The following SORCS1 variants were observed in gnomAD, a reference collection of about 807,000 sequenced individuals.
SORCS1 encodes the protein VPS10 domain-containing receptor SorCS1.
SORCS1 carries 60 observed loss-of-function variants against 146.1 expected under a neutral mutation model. The ratio of observed to expected loss-of-function variants is 0.41; its 90% confidence interval spans 0.33 to 0.51. The LOEUF (loss-of-function observed/expected upper bound fraction) is 0.51, where lower values mean the gene tolerates loss of function less well. Among genes scored for constraint, SORCS1 ranks in the 20% least tolerant of loss-of-function variants. SORCS1 has a pLI of 0.21. For synonymous variants in SORCS1, 637 were observed against 584.0 expected, an observed-to-expected ratio of 1.09 and a Z score of -1.31; for missense variants, 1,352 against 1,487.6, an observed-to-expected ratio of 0.91 and a Z score of 1.50.
rs533350433 is a variant in SORCS1, at chr10:107,035,269, A to C, written c.559-78689T>G. Among the ~76,000 whole-genome samples, 713 of 144,764 alleles carry C rather than the reference A, an allele frequency of 4.9e-3. 11 individuals carry two copies. The highest frequency in any genetic ancestry group is 0.017 in the African/African-American group (656 of 37,880). The allele number at this position is 144,764 out of a possible 152,430, so 95.0% of individuals were successfully genotyped here. A position where few individuals can be genotyped will look rare whatever the true frequency, so the allele number is the denominator to read the frequency against. ...TTTGGTCCAGTGAAGCTTCAAAAAA[A>C]AAAAAACAACAAAAAAAAAAACACA... On this transcript the variant is annotated intron_variant, in intron 1 of 25. Transcript: ENST00000263054.
intron 1 of SORCS1, among the ~76,000 whole-genome samples, chr10:107,159,325 G>A (rs1052707337): frequency 2.0e-5 from 3 of 152,150 alleles, no homozygotes; most frequent in African/African-American, 4.8e-5. Context: ...TATGAACAAA[G>A]TATTAAATTA....
chr10:106,708,245 G>GGT lies in SORCS1; in HGVS notation c.1143+976_1143+977dup, dbSNP rs58427067. Among the ~76,000 whole-genome samples, 1,221 of 148,774 alleles carry GGT rather than the reference G, an allele frequency of 8.2e-3. 3 individuals carry two copies. Among genetic ancestry groups the GGT allele is most frequent in the Non-Finnish European group, 0.01 (679 of 66,690 alleles). On this transcript the variant is annotated intron_variant, in intron 7 of 25. Coordinates refer to ENST00000263054, the MANE Select transcript of SORCS1 (RefSeq NM_052918.5). ...TAATTTCCCTGAAGAATAAAGAAAT[G>GGT]GTGTGTGTGTGTGTGTGTGTGTGTA...
intron 3 of SORCS1, among the ~76,000 whole-genome samples, chr10:106,807,099 C>T: frequency 1.3e-5 from 2 of 152,242 alleles, no homozygotes; most frequent in Middle Eastern, 6.8e-3. Context: ...GATTACTTCT[C>T]TAAATACTTA....
intron 21 of SORCS1, 84 bp downstream of exon 21, chr10:106,618,065 G>C (rs571362627): frequency 6.4e-7 from 1 of 1,561,884 alleles, no homozygotes; most frequent in African/African-American, 1.4e-5. Flanking sequence ...AGTCACAGCT[G>C]GGGGATGGTC....
At chr10:107,027,098 A>G (rs1244774454) in intron 1 of SORCS1, among the ~76,000 whole-genome samples, 1 of 148,190 alleles carries the variant, frequency 6.7e-6, no homozygotes, top group Non-Finnish European at 1.5e-5. Context: ...ATACATATAT[A>G]TATGTATATA....
rs541233755 is a variant in SORCS1, at chr10:106,662,417, A to T, written c.2303+5272T>A. ...TTTGGTCATTCACCCCACTTAATTC[A>T]TTTTCCCACTGCATGTCTGTATCAT... On this transcript the variant is annotated intron_variant, in intron 17 of 25. Coordinates refer to ENST00000263054, the MANE Select transcript of SORCS1 (RefSeq NM_052918.5). Among the ~76,000 whole-genome samples the T allele has an allele frequency of 4.0e-4, 61 of 152,058 alleles. 1 individual carries two copies. The highest frequency in any genetic ancestry group is 6.8e-3 in the Middle Eastern group (2 of 294).
chr10:106,920,206 C>G (rs1952645818), intron 2 of SORCS1, among the ~76,000 whole-genome samples: 1 of 152,194 alleles, frequency 6.6e-6, no homozygotes, highest in Non-Finnish European at 1.5e-5. Flanking sequence ...CGCCCACCCA[C>G]TGGGACTCAA....
chr10:106,730,160 T>A (rs1392830871), intron 5 of SORCS1, 46 bp from the exon 6 acceptor site: 2 of 1,594,066 alleles, frequency 1.3e-6, no homozygotes, highest in Non-Finnish European at 1.7e-6. Context: ...ATTAATGACT[T>A]CACATGTGCC....
At chr10:106,702,309 C>G (rs941898333) in intron 8 of SORCS1, among the ~76,000 whole-genome samples, 4 of 152,188 alleles carry the variant, frequency 2.6e-5, no homozygotes, top group Admixed American at 2.6e-4. Context: ...GCAGCATCAT[C>G]CCTGAAGCCA....
At chr10:106,899,343 A>T (rs927555930) in intron 2 of SORCS1, among the ~76,000 whole-genome samples, 2 of 152,232 alleles carry the variant, frequency 1.3e-5, no homozygotes, top group Non-Finnish European at 2.9e-5. Flanking sequence ...ATAGGAGAAG[A>T]GTAAGGGAAG....
At chr10:106,966,079 C>A (rs1235046166) in intron 1 of SORCS1, among the ~76,000 whole-genome samples, 1 of 152,182 alleles carries the variant, frequency 6.6e-6, no homozygotes, top group Non-Finnish European at 1.5e-5. Flanking sequence ...TCAGGGGTTC[C>A]TGACAGCGAA....
At chr10:107,121,207 C>T (rs988088272) in intron 1 of SORCS1, among the ~76,000 whole-genome samples, 1 of 152,156 alleles carries the variant, frequency 6.6e-6, no homozygotes, top group African/African-American at 2.4e-5. Flanking sequence ...CACAGGATGC[C>T]ATGTGATTAT....
intron 2 of SORCS1, among the ~76,000 whole-genome samples, chr10:106,920,119 C>T (rs1265007893): frequency 6.6e-6 from 1 of 152,150 alleles, no homozygotes; most frequent in Non-Finnish European, 1.5e-5. Context: ...CTGTTACCCC[C>T]AGTCACCACT....
intron 1 of SORCS1, among the ~76,000 whole-genome samples, chr10:107,026,660 C>T (rs184245421): frequency 9.3e-5 from 14 of 150,766 alleles, no homozygotes; most frequent in Admixed American, 2.6e-4. Context: ...GAGAAAGAGA[C>T]GCAGAGAAAG....
chr10:106,871,330 C>T (rs553272028), intron 2 of SORCS1, among the ~76,000 whole-genome samples: 2 of 152,270 alleles, frequency 1.3e-5, no homozygotes, highest in South Asian at 4.2e-4. Flanking sequence ...TAGCATTTCC[C>T]TCATCCTCAA....
chr10:106,791,820 T>A (rs1946335428), intron 3 of SORCS1, among the ~76,000 whole-genome samples: 1 of 152,238 alleles, frequency 6.6e-6, no homozygotes, highest in Admixed American at 6.5e-5. Flanking sequence ...TTTGTCTGTC[T>A]TTTTATATTG....
chr10:106,803,365 G>A (rs541424474), intron 3 of SORCS1, among the ~76,000 whole-genome samples: 4 of 152,190 alleles, frequency 2.6e-5, no homozygotes, highest in Admixed American at 1.3e-4. Flanking sequence ...ACATACCAGG[G>A]CACTTGACCA....
chr10:106,699,315 G>A lies in SORCS1; in HGVS notation c.1312C>T (p.Leu438Phe). 1 of 1,614,066 alleles carries A rather than the reference G, an allele frequency of 6.2e-7. No homozygotes were observed. The highest frequency in any genetic ancestry group is 8.5e-7 in the Non-Finnish European group (1 of 1,179,926). The change falls in exon 9 of 26, where the codon CTC becomes TTC. Residue 438 changes from leucine (L) to phenylalanine (F), a missense_variant. Leu to Phe is a conservative substitution (Grantham distance 22). Coordinates refer to ENST00000263054, the MANE Select transcript of SORCS1 (RefSeq NM_052918.5). Reference sequence around the variant, plus strand: ...ACACCACGTGTGTCTGAGATGTAGAGGTTGTACGTGTCATTCTGGTTCCAT... The same window carrying A: ...ACACCACGTGTGTCTGAGATGTAGAAGTTGTACGTGTCATTCTGGTTCCAT... ...QEWNQNDTYNLYISDTRGVYF... is the reference protein window; with the variant it reads ...QEWNQNDTYNFYISDTRGVYF...
intron 1 of SORCS1, among the ~76,000 whole-genome samples, chr10:107,159,326 T>C (rs943408500): frequency 1.3e-5 from 2 of 152,192 alleles, no homozygotes; most frequent in Non-Finnish European, 2.9e-5. Flanking sequence ...ATGAACAAAG[T>C]ATTAAATTAG....
Sources: allele counts gnomAD v4.1 joint callset (sites outside exome capture counted in the v4.1 genomes callset), GRCh38; gene constraint gnomAD v4.1.1; transcripts MANE v1.5; gene names NCBI Gene and HGNC (gene_info 2026-07-23, HGNC 2026-07-21).